The following GART variants were observed in gnomAD, a reference collection of about 807,000 sequenced individuals.
The protein encoded by GART is trifunctional purine biosynthetic protein adenosine-3.
In GART, 43 loss-of-function variants were observed where a neutral mutation model predicts 107.2. The ratio of observed to expected loss-of-function variants is 0.40; its 90% CI spans 0.31 to 0.52. The LOEUF is 0.52. GART is among the 20% of genes least tolerant of loss of function. GART has a pLI of 0.52. For synonymous variants in GART, 434 were observed against 427.0 expected (o/e 1.02, Z -0.20); for missense variants, 1,107 against 1,206.5 (o/e 0.92, Z 1.22).
chr21:33,538,298 A>G (rs1044833309), intron 2 of GART, among the ~76,000 whole-genome samples: 5 of 151,512 alleles, frequency 3.3e-5, no homozygotes, highest in African/African-American at 1.2e-4. Flanking sequence ...CTATTAGAGT[A>G]ACAACTGTTA....
chr21:33,520,345 T>C lies in GART; in HGVS notation c.1702+19A>G. 6.2e-7 allele frequency: 1 copy of C among 1,610,238 alleles called. No homozygotes were observed. The highest frequency in any genetic ancestry group is 2.2e-5 in the East Asian group (1 of 44,834). The stretch of plus-strand genomic sequence containing the variant: ...AAAAAGAAGAATGACATGTTATTGA[T>C]TAAAATGGCTGATCATACCAAGGAG... On this transcript the variant is annotated intron_variant, in intron 14 of 21. Transcript: ENST00000381815.
chr21:33,529,999 C>T (rs1414632965), intron 7 of GART, among the ~76,000 whole-genome samples: 1 of 151,964 alleles, frequency 6.6e-6, no homozygotes, highest in East Asian at 2.0e-4. Context: ...CCAGACCATA[C>T]TGGCCAACAT....
Position 33,520,488 on chromosome 21 carries a change from T to G in GART, c.1578A>C (p.Ala526=). 6.2e-7 allele frequency: 1 copy of G among 1,614,144 alleles called. No individual in the cohort carries two copies. The highest frequency in any genetic ancestry group is 8.5e-7 in the Non-Finnish European group (1 of 1,180,002). ...LVAMCVNDIL[A]QGAEPLFFLD... is the part of the protein sequence containing the mutation. ...GGAAGAAGAGGGGCTCTGCTCCTTGTGCCAGAATATCATTAACACACATTG... is the reference window on the plus strand; with the variant it reads ...GGAAGAAGAGGGGCTCTGCTCCTTGGGCCAGAATATCATTAACACACATTG... The change falls in exon 14 of 22, where the codon GCA becomes GCC. Residue 526 remains alanine (A), a synonymous_variant. Coordinates refer to ENST00000381815, the MANE Select transcript of GART (RefSeq NM_000819.5).
rs760839602 is a variant in GART at position 33,524,860 on chromosome 21, C to T, written c.1207G>A (p.Ala403Thr). The T allele has an allele frequency of 6.2e-7, 1 of 1,614,220 alleles. No homozygotes were observed. The highest frequency in any genetic ancestry group is 8.5e-7 in the Non-Finnish European group (1 of 1,180,044). ...RENLISALEE[A>T]KKGLAAIKFE... ...TTTATAGCAGCTAGTCCTTTCTTGG[C>T]TTCCTCAAGGGCTGATATGAGATTT... Residue 403 changes from alanine to threonine, a missense_variant, in exon 11 of 22, where the codon GCC (alanine) becomes ACC (threonine). Physicochemically the swap from Ala to Thr is moderately conservative, Grantham distance 58. Coordinates refer to ENST00000381815, the MANE Select transcript of GART (RefSeq NM_000819.5).
Position 33,525,020 on chromosome 21 carries a change from ACATATGATTT to A in GART, c.1067-30_1067-21del. ...GAAACCCTAGAAGAGAGCATATTTG[ACATATGATTT>A]CAAATAGCAACAGTATTTCACACCG... On this transcript the variant is annotated intron_variant, in intron 10 of 21. Transcript: ENST00000381815. 1 of 1,601,488 alleles carries A rather than the reference ACATATGATTT, an allele frequency of 6.2e-7. No homozygotes were observed. Among genetic ancestry groups the A allele is most frequent in the Non-Finnish European group, 8.5e-7 (1 of 1,174,430 alleles).
intron 16 of GART, among the ~76,000 whole-genome samples, chr21:33,515,622 C>G (rs1048914788): frequency 7.4e-6 from 1 of 135,044 alleles, no homozygotes; most frequent in Admixed American, 7.8e-5. Flanking sequence ...TCTGGCGACT[C>G]CAGCCTGGCG....
chr21:33,517,424 T>A lies in GART; in HGVS notation c.1887A>T (p.Lys629Asn). The A allele has an allele frequency of 6.2e-7, 1 of 1,614,160 alleles. No individual in the cohort carries two copies. Among genetic ancestry groups the A allele is most frequent in the Non-Finnish European group, 8.5e-7 (1 of 1,180,022 alleles). Reference protein sequence around the residue: ...LHSNGFSLVRKIVAKSSLQYS... With the variant: ...LHSNGFSLVRNIVAKSSLQYS... ...ACTGGAGGGAAGATTTTGCCACGATTTTCCTCACAAGGCTAAATCCATTGC... is the reference window on the plus strand; with the variant it reads ...ACTGGAGGGAAGATTTTGCCACGATATTCCTCACAAGGCTAAATCCATTGC... The change falls in exon 15 of 22, where the codon AAA becomes AAT. Residue 629 changes from lysine (K) to asparagine (N), a missense_variant. Physicochemically the swap from Lys to Asn is moderately conservative, Grantham distance 94. Transcript: ENST00000381815.
intron 20 of GART, 66 bp from the exon 21 acceptor site, chr21:33,504,593 G>A (rs745867594): frequency 1.4e-5 from 16 of 1,150,110 alleles, no homozygotes; most frequent in East Asian, 2.4e-5. Context: ...AAAGGAATAC[G>A]TTTTCCTATC....
intron 4 of GART, among the ~76,000 whole-genome samples, chr21:33,534,219 T>C (rs907742927): frequency 1.3e-5 from 2 of 152,112 alleles, no homozygotes; most frequent in African/African-American, 4.8e-5. Flanking sequence ...TGTATATTTA[T>C]TTAATTTTTT....
intron 3 of GART, 65 bp from the exon 4 acceptor site, chr21:33,534,818 CG>C (rs1343108806): frequency 7.2e-7 from 1 of 1,389,486 alleles, no homozygotes; most frequent in African/African-American, 1.5e-5. Flanking sequence ...AGCCTGAAGA[CG>C]AATTAGTATC....
chr21:33,541,669 A>G (rs934601698), intron 1 of GART, among the ~76,000 whole-genome samples: 1 of 152,194 alleles, frequency 6.6e-6, no homozygotes, highest in African/African-American at 2.4e-5. Context: ...CTCATTCCTC[A>G]GAATGGGTAA....
At chr21:33,516,246 TAAAAAA>T (rs11321647) in intron 16 of GART, among the ~76,000 whole-genome samples, 2,752 of 95,216 alleles carry the variant, frequency 0.029, 99 homozygotes, top group African/African-American at 0.1. Flanking sequence ...AGACTCTGTC[TAAAAAA>T]AAAAAAAAAA....
intron 11 of GART, among the ~76,000 whole-genome samples, chr21:33,523,591 T>C (rs895611218): frequency 3.9e-5 from 6 of 152,200 alleles, no homozygotes; most frequent in Admixed American, 3.9e-4. Context: ...TAGCTTGAAT[T>C]ACGTTGGTAA....
intron 19 of GART, 91 bp from the exon 20 acceptor site, chr21:33,505,793 C>G: frequency 7.4e-7 from 1 of 1,357,044 alleles, no homozygotes; most frequent in South Asian, 1.4e-5. Context: ...ACTTCACTTC[C>G]TTGTAAAGAT....
At chr21:33,513,210 C>A (rs1280375455) in intron 16 of GART, among the ~76,000 whole-genome samples, 1 of 149,968 alleles carries the variant, frequency 6.7e-6, no homozygotes, top group Non-Finnish European at 1.5e-5. Context: ...GGGGATCCAT[C>A]CACCTCAGCC....
At position 33,524,909 on chromosome 21, in the gene GART, A is replaced by C. The variant is rs1569024230; in HGVS notation, c.1158T>G (p.Val386=). The change falls in exon 11 of 22, where the codon GTT becomes GTG. Residue 386 remains valine (V), a synonymous_variant. Transcript: ENST00000381815. ...NGKVVTHGGR[V]LAVTAIRENL... Reference sequence around the variant, plus strand: ...TTTCCCGGATGGCTGTGACTGCAAGAACTCTACCCCCATGAGTTACTACTT... The same window carrying C: ...TTTCCCGGATGGCTGTGACTGCAAGCACTCTACCCCCATGAGTTACTACTT... 6.2e-7 allele frequency: 1 copy of C among 1,614,050 alleles called. No individual in the cohort carries two copies. Among genetic ancestry groups the C allele is most frequent in the Non-Finnish European group, 8.5e-7 (1 of 1,180,044 alleles).
At chr21:33,542,244 C>T (rs1356032564), upstream of GART, 1 of 152,338 alleles carries the variant, frequency 6.6e-6, no homozygotes, top group African/African-American at 2.4e-5. Flanking sequence ...TTCCCTCCCG[C>T]CCTGGGCGCT....
Position 33,534,734 on chromosome 21 carries a change from C to A in GART, c.261G>T (p.Arg87Ser). The A allele has an allele frequency of 6.3e-7, 1 of 1,592,874 alleles. No homozygotes were observed. Among genetic ancestry groups the A allele is most frequent in the Non-Finnish European group, 8.5e-7 (1 of 1,171,580 alleles). ...PLAAGIVGNL[R>S]SAGVQCFGPT... is the part of the protein sequence containing the mutation. ...GGCCAAAGCATTGCACTCCTGCAGA[C>A]CTCAGGTTCCCAACAATCCCTATTG... The change falls in exon 4 of 22, where the codon AGG (arginine) becomes AGT (serine). Residue 87 changes from arginine to serine, a missense_variant. Coordinates refer to ENST00000381815, the MANE Select transcript of GART (RefSeq NM_000819.5).
chr21:33,537,546 A>T (rs2085328186), intron 2 of GART, among the ~76,000 whole-genome samples: 1 of 152,212 alleles, frequency 6.6e-6, no homozygotes, highest in African/African-American at 2.4e-5. Flanking sequence ...AAACACAGAC[A>T]TTCATGATCA....
Sources: gnomAD v4.1 joint callset for allele counts (sites outside exome capture counted in the v4.1 genomes callset) on GRCh38, gnomAD v4.1.1 for gene constraint, MANE v1.5 for transcripts, NCBI Gene and HGNC (gene_info 2026-07-23, HGNC 2026-07-21) for gene names.